RAD51B: variants seen among roughly 807,000 people sequenced by gnomAD.
The protein encoded by RAD51B is RAD51 paralog B, also known as DNA repair protein RAD51 homolog 2.
In RAD51B, 38 loss-of-function variants were observed where a neutral mutation model predicts 42.2. The observed-to-expected ratio is 0.90, with a 90% CI of 0.70 to 1.18. The LOEUF (loss-of-function observed/expected upper bound fraction) is 1.18. Among genes scored for constraint, RAD51B ranks in the 50% most tolerant of loss-of-function variants. The pLI is 0.00. For synonymous variants in RAD51B, 154 were observed against 145.2 expected, an observed-to-expected ratio of 1.06 and a Z score of -0.43; for missense variants, 373 against 400.7, an observed-to-expected ratio of 0.93 and a Z score of 0.59.
At chr14:68,311,999 G>A (rs2081975382) in intron 8 of RAD51B, among the ~76,000 whole-genome samples, 1 of 152,230 alleles carries the variant, frequency 6.6e-6, no homozygotes, top group African/African-American at 2.4e-5. Flanking sequence ...TTCAATTCAT[G>A]TTGTACAAAT....
At chr14:68,044,956 C>T (rs2076275062) in intron 7 of RAD51B, among the ~76,000 whole-genome samples, 1 of 152,008 alleles carries the variant, frequency 6.6e-6, no homozygotes, top group Admixed American at 6.6e-5. Flanking sequence ...ATTGAAATGA[C>T]TGGCCAGGCG....
chr14:68,240,802 A>C (rs2080367755), intron 7 of RAD51B, among the ~76,000 whole-genome samples: 2 of 152,250 alleles, frequency 1.3e-5, no homozygotes, highest in Non-Finnish European at 1.5e-5. Flanking sequence ...AGAAAGAAAA[A>C]TTATCTTACG....
chr14:68,190,742 C>G (rs1040257087), intron 7 of RAD51B, among the ~76,000 whole-genome samples: 1 of 152,064 alleles, frequency 6.6e-6, no homozygotes, highest in African/African-American at 2.4e-5. Flanking sequence ...TTAGTTTTTA[C>G]TTTTATGGTT....
chr14:68,449,871 T>TTAGAAGA (rs1230022300), intron 9 of RAD51B, among the ~76,000 whole-genome samples: 1 of 152,178 alleles, frequency 6.6e-6, no homozygotes, highest in Admixed American at 6.5e-5. Context: ...CTCCTTGTGA[T>TTAGAAGA]TAGAAGAACT....
At chr14:68,313,545 C>T (rs2082000929) in intron 8 of RAD51B, among the ~76,000 whole-genome samples, 2 of 152,196 alleles carry the variant, frequency 1.3e-5, no homozygotes, top group African/African-American at 4.8e-5. Context: ...ACAAGGACTC[C>T]ACTTCCAGCC....
intron 4 of RAD51B, among the ~76,000 whole-genome samples, chr14:67,861,005 G>A (rs1034777226): frequency 6.6e-6 from 1 of 152,030 alleles, no homozygotes; most frequent in Non-Finnish European, 1.5e-5. Flanking sequence ...ACCATCCTGG[G>A]CAACATAGTG....
At chr14:68,610,531 C>T (rs17106008) in intron 10 of RAD51B, among the ~76,000 whole-genome samples, 17,166 of 152,216 alleles carry the variant, frequency 0.11, 1,165 homozygotes, top group East Asian at 0.21. Flanking sequence ...ACCTCACTGC[C>T]GCCACTTGTC....
At chr14:68,592,583 C>T (rs1364999084) in intron 10 of RAD51B, among the ~76,000 whole-genome samples, 1 of 152,132 alleles carries the variant, frequency 6.6e-6, no homozygotes, top group Non-Finnish European at 1.5e-5. Context: ...GTGGCAGGGC[C>T]AGGATTAGAA....
chr14:67,849,416 G>C (rs2041729975), intron 4 of RAD51B, among the ~76,000 whole-genome samples: 1 of 152,046 alleles, frequency 6.6e-6, no homozygotes, highest in Non-Finnish European at 1.5e-5. Flanking sequence ...CAAGTAGCTG[G>C]GATTACAGGC....
At chr14:68,474,996 A>G (rs1882438452) in intron 10 of RAD51B, among the ~76,000 whole-genome samples, 1 of 152,116 alleles carries the variant, frequency 6.6e-6, no homozygotes, top group African/African-American at 2.4e-5. Flanking sequence ...GCTCTGTCAC[A>G]CCTAGGATGT....
intron 8 of RAD51B, among the ~76,000 whole-genome samples, chr14:68,388,855 T>A (rs1027709895): frequency 2.0e-5 from 3 of 152,178 alleles, no homozygotes; most frequent in African/African-American, 7.2e-5. Context: ...CTAAGTTGAA[T>A]GAAAACTTGG....
intron 7 of RAD51B, among the ~76,000 whole-genome samples, chr14:68,096,806 A>ATGTGTGTG (rs111474104): frequency 3.3e-4 from 50 of 151,946 alleles, no homozygotes; most frequent in Admixed American, 1.1e-3. Context: ...AATAAATGAT[A>ATGTGTGTG]TGTGTGTGTG....
In RAD51B at chr14:67,865,147, A is replaced by G. The variant is rs1162936117; in HGVS notation, c.452+8A>G. The G allele has an allele frequency of 2.5e-6, 4 of 1,582,890 alleles. No individual in the cohort carries two copies. Among genetic ancestry groups the G allele is most frequent in the Admixed American group, 1.8e-5 (1 of 54,950 alleles). On this transcript the variant is annotated splice_region_variant and intron_variant, in intron 5 of 10. Coordinates refer to ENST00000471583, the MANE Select transcript of RAD51B (RefSeq NM_133510.4). ...TGCATTTAGTGCTGAAAGGTATGAG[A>G]TTTTATTTTCTATTATAATGTTTTA...
In RAD51B at chr14:68,360,811, A is replaced by G. The variant is rs189566033; in HGVS notation, c.854-50613A>G. Among the ~76,000 whole-genome samples the G allele has an allele frequency of 3.6e-3, 549 of 152,328 alleles. 2 individuals are homozygous for G. The highest frequency in any genetic ancestry group is 0.012 in the African/African-American group (516 of 41,580). On this transcript the variant is annotated intron_variant, in intron 8 of 10. Coordinates refer to ENST00000471583, the MANE Select transcript of RAD51B (RefSeq NM_133510.4). The stretch of plus-strand genomic sequence containing the variant: ...GGCCCAGGGAAGATGGTCTGTTTCT[A>G]TGCTTTGGTCTGAGGAAGAATGGGC...
chr14:67,910,405 C>CAAAAAAAAAAAAAA (rs576632132), intron 7 of RAD51B, among the ~76,000 whole-genome samples: 1 of 9,040 alleles, frequency 1.1e-4, no homozygotes, highest in African/African-American at 1.2e-3. Flanking sequence ...GACTCTGTCT[C>CAAAAAAAAAAAAAA]AAAAAAAAAA....
At chr14:67,938,794 ACT>A (rs1335246975) in intron 7 of RAD51B, among the ~76,000 whole-genome samples, 1 of 152,110 alleles carries the variant, frequency 6.6e-6, no homozygotes, top group Non-Finnish European at 1.5e-5. Flanking sequence ...GCACTGTATG[ACT>A]CTTGAGAAAA....
rs575936171 is a variant in RAD51B at position 67,930,540 on chromosome 14, G to A, written c.756+43336G>A. Among the ~76,000 whole-genome samples, 7 of 152,246 alleles carry A rather than the reference G, an allele frequency of 4.6e-5. 1 individual carries two copies. The East Asian group carries it at 1.3e-3, about 29-fold the overall frequency. Reference sequence around the variant, plus strand: ...ATAACCCCATTCTCTCCTAGCCTGTGAGGTTTTTGCTGAGAAGTCTCCTGT... The same window carrying A: ...ATAACCCCATTCTCTCCTAGCCTGTAAGGTTTTTGCTGAGAAGTCTCCTGT... On this transcript the variant is annotated intron_variant, in intron 7 of 10. Transcript: ENST00000471583.
intron 7 of RAD51B, among the ~76,000 whole-genome samples, chr14:68,211,263 T>G (rs2079699493): frequency 6.6e-6 from 1 of 152,178 alleles, no homozygotes; most frequent in Admixed American, 6.5e-5. Flanking sequence ...AATATAAGGC[T>G]ACTTCCACTT....
At chr14:68,645,645 A>G (rs1892549917) in intron 10 of RAD51B, among the ~76,000 whole-genome samples, 1 of 152,172 alleles carries the variant, frequency 6.6e-6, no homozygotes, top group African/African-American at 2.4e-5. Flanking sequence ...CAATGTCTCT[A>G]CATTCTTACC....
Sources: allele counts gnomAD v4.1 joint callset (sites outside exome capture counted in the v4.1 genomes callset), GRCh38; gene constraint gnomAD v4.1.1; transcripts MANE v1.5; gene names NCBI Gene and HGNC (gene_info 2026-07-23, HGNC 2026-07-21).